The following GRK5 variants were observed in gnomAD, a reference collection of about 807,000 sequenced individuals.
The protein encoded by GRK5 is g protein-coupled receptor kinase GRK5.
In GRK5, 40 loss-of-function variants were observed where a neutral mutation model predicts 78.4. The observed-to-expected ratio is 0.51, with a 90% CI of 0.40 to 0.66. GRK5 has a LOEUF of 0.66. Ranked by LOEUF, GRK5 falls within the 30% of genes least tolerant of loss-of-function variation. The pLI is 0.00. For synonymous variants in GRK5, 289 were observed against 296.8 expected, an observed-to-expected ratio of 0.97 and a Z score of 0.27; for missense variants, 598 against 759.9, an observed-to-expected ratio of 0.79 and a Z score of 2.50.
chr10:119,364,559 G>C (rs946148320), intron 2 of GRK5, among the ~76,000 whole-genome samples: 1 of 152,160 alleles, frequency 6.6e-6, no homozygotes, highest in Non-Finnish European at 1.5e-5. Flanking sequence ...CTGCAAGGAA[G>C]GGTCTCTGCC....
intron 10 of GRK5, among the ~76,000 whole-genome samples, chr10:119,441,301 G>T (rs567340860): frequency 2.0e-5 from 3 of 152,230 alleles, no homozygotes; most frequent in Admixed American, 6.5e-5. Context: ...CTGGAGGGAT[G>T]GGGGTGGGGC....
rs1033351828 is a variant in GRK5, at chr10:119,260,006, G to GT, written c.52+52048dup. Among the ~76,000 whole-genome samples the GT allele has an allele frequency of 2.5e-3, 371 of 146,620 alleles. 1 individual carries two copies. The highest frequency in any genetic ancestry group is 6.9e-3 in the African/African-American group (278 of 40,182). ...GTATAACATTCTCTTGAGATCAGTT[G>GT]TTTTTTTTTTTGAGACGGAGTCTCC... On this transcript the variant is annotated intron_variant, in intron 1 of 15. Coordinates refer to ENST00000392870, the MANE Select transcript of GRK5 (RefSeq NM_005308.3).
rs529232911 is a variant in GRK5, at chr10:119,445,856, G to A, written c.1266+2104G>A. Among the ~76,000 whole-genome samples, 2 of 152,258 alleles carry A rather than the reference G, an allele frequency of 1.3e-5. No homozygotes were observed. Among genetic ancestry groups the A allele is most frequent in the Admixed American group, 6.5e-5 (1 of 15,298 alleles). ...AGAGGGTCCCTCCACAATCAGTGAG[G>A]AAGCCAGTCTCTGGCCCCCAGGTCT... On this transcript the variant is annotated intron_variant, in intron 12 of 15. Coordinates refer to ENST00000392870, the MANE Select transcript of GRK5 (RefSeq NM_005308.3). The surrounding 1 kb of genome is among the most constrained non-coding windows in gnomAD (Gnocchi z 4.1).
chr10:119,299,068 A>G (rs1398864540), intron 1 of GRK5, among the ~76,000 whole-genome samples: 1 of 152,208 alleles, frequency 6.6e-6, no homozygotes, highest in Non-Finnish European at 1.5e-5. Flanking sequence ...CTTCAGTGCC[A>G]AGAATAGCAG....
At chr10:119,415,211 A>G (rs1374755722) in intron 4 of GRK5, among the ~76,000 whole-genome samples, 1 of 152,118 alleles carries the variant, frequency 6.6e-6, no homozygotes, top group Non-Finnish European at 1.5e-5. Context: ...TGGGAGGATC[A>G]TCTTAGATGT....
chr10:119,226,547 CTTTT>C (rs869156632), intron 1 of GRK5, among the ~76,000 whole-genome samples: 1 of 125,014 alleles, frequency 8.0e-6, no homozygotes. Context: ...GTCTCTGTAT[CTTTT>C]TTTTTTTTTT....
intron 1 of GRK5, among the ~76,000 whole-genome samples, chr10:119,313,083 G>GTAA (rs1850407611): frequency 3.4e-5 from 5 of 146,906 alleles, no homozygotes; most frequent in African/African-American, 9.9e-5. Context: ...GGTGGTGGTG[G>GTAA]TGGTGATGGT....
intron 12 of GRK5, among the ~76,000 whole-genome samples, chr10:119,444,399 G>C (rs1853102531): frequency 6.6e-6 from 1 of 152,144 alleles, no homozygotes; most frequent in Non-Finnish European, 1.5e-5. Context: ...GGATATGGGA[G>C]TGGAGTCCGC....
chr10:119,212,314 A>G (rs1225826802), intron 1 of GRK5, among the ~76,000 whole-genome samples: 1 of 152,252 alleles, frequency 6.6e-6, no homozygotes, highest in Non-Finnish European at 1.5e-5. Context: ...ATAAATGCCC[A>G]CAAGGCTCTC....
In GRK5 at chr10:119,347,836, G is replaced by A. The variant is rs183645367; in HGVS notation, c.148+21225G>A. Among the ~76,000 whole-genome samples, 737 of 152,298 alleles carry A rather than the reference G, an allele frequency of 4.8e-3. 3 individuals are homozygous for A. The highest frequency in any genetic ancestry group is 8.4e-3 in the Non-Finnish European group (574 of 68,004). On this transcript the variant is annotated intron_variant, in intron 2 of 15. Coordinates refer to ENST00000392870, the MANE Select transcript of GRK5 (RefSeq NM_005308.3). ...CTCTCCTGGGACCTGAGTCTTCCCT[G>A]GGGGGCAGGGACAGCTTGGTAGGCA...
At chr10:119,289,929 T>C (rs1042905117) in intron 1 of GRK5, among the ~76,000 whole-genome samples, 1 of 152,238 alleles carries the variant, frequency 6.6e-6, no homozygotes, top group Admixed American at 6.5e-5. Context: ...TAAAACTTTA[T>C]GGTCAGCTGT....
rs184600527 is a variant in GRK5, at chr10:119,317,944, T to C, written c.53-8572T>C. Among the ~76,000 whole-genome samples the C allele has an allele frequency of 2.2e-3, 341 of 151,928 alleles. 1 individual carries two copies. Among genetic ancestry groups the C allele is most frequent in the Middle Eastern group, 0.017 (5 of 294 alleles). On this transcript the variant is annotated intron_variant, in intron 1 of 15. Coordinates refer to ENST00000392870, the MANE Select transcript of GRK5 (RefSeq NM_005308.3). The stretch of plus-strand genomic sequence containing the variant: ...AGAATCACCTGCAGAGCTCATTAAG[T>C]TACTGATGCTGGCCCATCCCCAGAG...
At chr10:119,392,628 T>C (rs1706716598) in intron 3 of GRK5, among the ~76,000 whole-genome samples, 2 of 152,154 alleles carry the variant, frequency 1.3e-5, no homozygotes, top group Admixed American at 1.3e-4. Flanking sequence ...GGTCTCGAAC[T>C]CCTGACGTCA....
chr10:119,324,549 A>C (rs2100487), intron 1 of GRK5, among the ~76,000 whole-genome samples: 104,808 of 151,978 alleles, frequency 0.69, 37,875 homozygotes, highest in Non-Finnish European at 0.79. Flanking sequence ...GATCGCTTGA[A>C]CCCGGGAGAG....
At chr10:119,298,470 A>C (rs1850119192) in intron 1 of GRK5, among the ~76,000 whole-genome samples, 1 of 152,094 alleles carries the variant, frequency 6.6e-6, no homozygotes, top group African/African-American at 2.4e-5. Flanking sequence ...CAGTGCACAT[A>C]TCTCTCTTGA....
chr10:119,398,563 T>C (rs1322794903), intron 4 of GRK5, among the ~76,000 whole-genome samples: 1 of 152,156 alleles, frequency 6.6e-6, no homozygotes, highest in Non-Finnish European at 1.5e-5. Flanking sequence ...TGTGCCCCCA[T>C]AGGGCTACCC....
In GRK5 at chr10:119,379,369, A is replaced by T. The variant is rs1303004484; in HGVS notation, c.149-1446A>T. Reference sequence around the variant, plus strand: ...GTTTAGCTCCAGAGCCCACACTGACACTCACAGCTACCACGAGATCCTCCC... The same window carrying T: ...GTTTAGCTCCAGAGCCCACACTGACTCTCACAGCTACCACGAGATCCTCCC... On this transcript the variant is annotated intron_variant, in intron 2 of 15. Coordinates refer to ENST00000392870, the MANE Select transcript of GRK5 (RefSeq NM_005308.3). This position sits in a 1 kb window ranked among gnomAD's most constrained non-coding sequence, Gnocchi z 4.1. Among the ~76,000 whole-genome samples, 1 of 152,072 alleles carries T rather than the reference A, an allele frequency of 6.6e-6. No individual in the cohort carries two copies. Among genetic ancestry groups the T allele is most frequent in the African/African-American group, 2.4e-5 (1 of 41,410 alleles).
At chr10:119,308,330 G>T (rs1047813022) in intron 1 of GRK5, among the ~76,000 whole-genome samples, 5 of 151,662 alleles carry the variant, frequency 3.3e-5, no homozygotes, top group African/African-American at 4.9e-5. Flanking sequence ...GTGTCATGCT[G>T]CAGCCCTGCC....
At chr10:119,426,811 C>CCACCATCATCAGCATCAT (rs1388444581) in intron 6 of GRK5, among the ~76,000 whole-genome samples, 2 of 150,850 alleles carry the variant, frequency 1.3e-5, no homozygotes, top group Non-Finnish European at 3.0e-5. Flanking sequence ...ATCAACATCA[C>CCACCATCATCAGCATCAT]CACCATCATC....
Sources: gnomAD v4.1 joint callset for allele counts (sites outside exome capture counted in the v4.1 genomes callset) on GRCh38, gnomAD v4.1.1 for gene constraint, Gnocchi (gnomAD v3.1) non-coding constraint, MANE v1.5 for transcripts, NCBI Gene and HGNC (gene_info 2026-07-23, HGNC 2026-07-21) for gene names.